DOCK4: variants seen among roughly 807,000 people sequenced by gnomAD.
DOCK4 encodes dedicator of cytokinesis protein 4.
Under a neutral mutation model 268.1 loss-of-function variants are expected in DOCK4, and 97 were observed. That is an observed-to-expected ratio of 0.36 (90% CI 0.31 to 0.43). The LOEUF (loss-of-function observed/expected upper bound fraction) is 0.43, where lower values mean the gene tolerates loss of function less well. Ranked by LOEUF, DOCK4 falls within the 20% of genes least tolerant of loss-of-function variation. DOCK4 has a pLI of 1.00. For missense variants in DOCK4, 2,145 were observed against 2,455.7 expected (o/e 0.87, Z 2.67); for synonymous variants, 954 against 887.2 (o/e 1.08, Z -1.34).
intron 1 of DOCK4, among the ~76,000 whole-genome samples, chr7:112,161,455 C>T (rs1817121420): frequency 6.6e-6 from 1 of 152,164 alleles, no homozygotes; most frequent in African/African-American, 2.4e-5. Flanking sequence ...GAAAGCTACA[C>T]TTCCTATAAA....
chr7:111,974,843 T>C (rs1368396433), intron 8 of DOCK4, among the ~76,000 whole-genome samples: 1 of 152,204 alleles, frequency 6.6e-6, no homozygotes, highest in Non-Finnish European at 1.5e-5. Context: ...CTATTTAGAA[T>C]GTTTGAGAAA....
intron 1 of DOCK4, among the ~76,000 whole-genome samples, chr7:112,148,673 T>G (rs894356968): frequency 9.2e-5 from 14 of 151,916 alleles, no homozygotes; most frequent in Admixed American, 5.2e-4. Context: ...TAAAGGGTTT[T>G]GTTTTGTTTT....
Position 111,759,790 on chromosome 7 carries a change from T to TG in DOCK4, c.4162+390dup, listed in dbSNP as rs377142057. Among the ~76,000 whole-genome samples, 477 of 82,412 alleles carry TG rather than the reference T, an allele frequency of 5.8e-3. 5 individuals carry two copies. The highest frequency in any genetic ancestry group is 0.022 in the African/African-American group (456 of 20,706). 54.1% of individuals were successfully genotyped at this position (82,412 alleles called of 152,430 possible). A position where few individuals can be genotyped will look rare whatever the true frequency, so the allele number is the denominator to read the frequency against. Reference sequence around the variant, plus strand: ...CATTCCAGAATACAAATAATCAGGGTGGGGGGAGGGGTGAATAATATGTGC... The same window carrying TG: ...CATTCCAGAATACAAATAATCAGGGTGGGGGGGAGGGGTGAATAATATGTGC... On this transcript the variant is annotated intron_variant, in intron 40 of 52. Transcript: ENST00000428084.
chr7:111,885,809 G>A (rs1807792087), intron 16 of DOCK4, among the ~76,000 whole-genome samples: 1 of 152,182 alleles, frequency 6.6e-6, no homozygotes, highest in Non-Finnish European at 1.5e-5. Context: ...CCAGAGAGAT[G>A]TGCTCCCTCA....
At chr7:111,906,543 C>T (rs1278845968) in intron 13 of DOCK4, among the ~76,000 whole-genome samples, 1 of 152,088 alleles carries the variant, frequency 6.6e-6, no homozygotes, top group African/African-American at 2.4e-5. Flanking sequence ...CTGGGTGGCC[C>T]CTCATGTGTG....
intron 27 of DOCK4, chr7:111,820,846 G>C (rs573894336): frequency 6.6e-6 from 1 of 152,118 alleles, no homozygotes; most frequent in African/African-American, 2.4e-5. Context: ...TTCCCATCTG[G>C]CTCCTTGGAT....
In DOCK4 at chr7:112,128,519, G is replaced by A. The variant is rs34230619; in HGVS notation, c.37+77583C>T. Among the ~76,000 whole-genome samples the A allele has an allele frequency of 2.7e-3, 412 of 152,342 alleles. 2 individuals are homozygous for A. The highest frequency in any genetic ancestry group is 9.2e-3 in the African/African-American group (382 of 41,580). ...AAGATTGAGAAATCGGATGGTTGCC[G>A]TGTCTGTGTAGAAAGAAGTAGACAT... On this transcript the variant is annotated intron_variant, in intron 1 of 52. Transcript: ENST00000428084.
chr7:111,735,767 G>A (rs1795431189), intron 50 of DOCK4, among the ~76,000 whole-genome samples: 1 of 152,200 alleles, frequency 6.6e-6, no homozygotes, highest in South Asian at 2.1e-4. Flanking sequence ...AATCCTGGCA[G>A]GAATAAGGGC....
intron 1 of DOCK4, among the ~76,000 whole-genome samples, chr7:112,112,964 GACTGTGT>G (rs1811802355): frequency 6.6e-6 from 1 of 152,190 alleles, no homozygotes. Flanking sequence ...TGAAACAGCT[GACTGTGT>G]ACTCAGGAAA....
rs75455966 is a variant in DOCK4 at position 111,852,505 on chromosome 7, A to G, written c.2474-5379T>C. 1.5e-4 allele frequency among the ~76,000 whole-genome samples: 15 copies of G among 100,440 alleles called. No individual in the cohort carries two copies. The South Asian group carries it at 3.7e-3, about 25-fold the overall frequency. 65.9% of individuals were successfully genotyped at this position (100,440 alleles called of 152,430 possible). On this transcript the variant is annotated intron_variant, in intron 23 of 52. Coordinates refer to ENST00000428084, the MANE Select transcript of DOCK4 (RefSeq NM_001363540.2). ...TCAATTACTTAACAAAAAGAACCAGAAAAAAAAAAAAAAACCCTGAAAATT... is the reference window on the plus strand; with the variant it reads ...TCAATTACTTAACAAAAAGAACCAGGAAAAAAAAAAAAAACCCTGAAAATT...
chr7:111,840,386 G>A (rs1465496418), intron 25 of DOCK4, among the ~76,000 whole-genome samples: 3 of 152,272 alleles, frequency 2.0e-5, no homozygotes, highest in Non-Finnish European at 4.4e-5. Context: ...AGTTACGAAC[G>A]AGTAAGCATT....
intron 6 of DOCK4, among the ~76,000 whole-genome samples, chr7:111,988,758 C>T (rs1799252984): frequency 6.6e-6 from 1 of 152,202 alleles, no homozygotes; most frequent in African/African-American, 2.4e-5. Flanking sequence ...GTGAACATTT[C>T]ATTTTCCATG....
chr7:111,770,360 T>C (rs1313070969), intron 36 of DOCK4, among the ~76,000 whole-genome samples: 1 of 151,944 alleles, frequency 6.6e-6, no homozygotes, highest in Admixed American at 6.6e-5. Flanking sequence ...AAAGAACCGT[T>C]GCAGGCTGTG....
At position 111,728,401 on chromosome 7, in the gene DOCK4, G is replaced by A. The variant is rs762164098; in HGVS notation, c.5801C>T (p.Thr1934Met). 6 of 1,564,238 alleles carry A rather than the reference G, an allele frequency of 3.8e-6. No individual in the cohort carries two copies. Among genetic ancestry groups the A allele is most frequent in the East Asian group, 2.2e-5 (1 of 44,466 alleles). The change falls in exon 53 of 53, where the codon ACG becomes ATG. Residue 1934 changes from threonine to methionine, a missense_variant. Thr to Met is a moderately conservative substitution (Grantham distance 81). This residue lies in a region of DOCK4 where 547 missense variants were observed against 469.0 expected (regional missense o/e 1.17). Coordinates refer to ENST00000428084, the MANE Select transcript of DOCK4 (RefSeq NM_001363540.2). ...PLPHSLSIPV[T>M]SEPPALPPKP... is the part of the protein sequence containing the mutation. ...GGGGGGCAGCGCGGGCGGCTCCGACGTGACGGGGATGGAGAGGCTGTGAGG... is the reference window on the plus strand; with the variant it reads ...GGGGGGCAGCGCGGGCGGCTCCGACATGACGGGGATGGAGAGGCTGTGAGG...
intron 34 of DOCK4, 108 bp from the exon 35 acceptor site, chr7:111,783,032 A>AG: frequency 9.0e-7 from 1 of 1,107,706 alleles, no homozygotes; most frequent in Non-Finnish European, 1.3e-6. Flanking sequence ...AAAAAAAAAA[A>AG]AGAAGCCACT....
intron 30 of DOCK4, among the ~76,000 whole-genome samples, chr7:111,793,556 T>C (rs1018543626): frequency 6.6e-6 from 1 of 152,284 alleles, no homozygotes; most frequent in Non-Finnish European, 1.5e-5. Context: ...ATGTGTTTAC[T>C]GTATTTCCAT....
intron 36 of DOCK4, among the ~76,000 whole-genome samples, chr7:111,773,339 G>T (rs117431475): frequency 6.6e-6 from 1 of 152,258 alleles, no homozygotes; most frequent in Admixed American, 6.5e-5. Flanking sequence ...TGTTACATGG[G>T]AAAAGAACTG....
chr7:112,034,904 A>AAAACAAAC (rs1266471891), intron 1 of DOCK4, among the ~76,000 whole-genome samples: 4 of 152,176 alleles, frequency 2.6e-5, no homozygotes, highest in Admixed American at 2.6e-4. Flanking sequence ...ACTCAGTCTC[A>AAAACAAAC]AAACAAACAA....
At chr7:112,171,501 T>C (rs1295771175) in intron 1 of DOCK4, among the ~76,000 whole-genome samples, 1 of 152,242 alleles carries the variant, frequency 6.6e-6, no homozygotes, top group East Asian at 1.9e-4. Context: ...AATATAATAT[T>C]TGATCCATGG....
Sources: allele counts gnomAD v4.1 joint callset (sites outside exome capture counted in the v4.1 genomes callset), GRCh38; gene constraint gnomAD v4.1.1; regional missense constraint gnomAD v4.1.1; transcripts MANE v1.5; gene names NCBI Gene and HGNC (gene_info 2026-07-23, HGNC 2026-07-21).